The following SHANK2 variants were observed in gnomAD, a reference collection of about 807,000 sequenced individuals.
The protein encoded by SHANK2 is SH3 and multiple ankyrin repeat domains protein 2.
A neutral mutation model predicts 133.7 loss-of-function variants in SHANK2; 43 were observed. That is an observed-to-expected ratio of 0.32 (90% CI 0.25 to 0.41). SHANK2 has a LOEUF of 0.41. SHANK2 is among the 10% of genes least tolerant of loss of function. The pLI is 1.00. For synonymous variants in SHANK2, 1,017 were observed against 952.8 expected (o/e 1.07, Z -1.24); for missense variants, 1,994 against 2,235.8 (o/e 0.89, Z 2.18).
rs1462637181 is a variant in SHANK2 at position 70,798,423 on chromosome 11, G to A, written c.1777+20C>T. 1 of 717,202 alleles carries A rather than the reference G, an allele frequency of 1.4e-6. No individual in the cohort carries two copies. Among genetic ancestry groups the A allele is most frequent in the Non-Finnish European group, 2.6e-6 (1 of 385,006 alleles). 44.4% of individuals were successfully genotyped at this position (717,202 alleles called of 1,614,324 possible). On this transcript the variant is annotated intron_variant, in intron 14 of 25. Coordinates refer to ENST00000601538, the MANE Select transcript of SHANK2 (RefSeq NM_012309.5). ...AGGCCTGCAGGATCGAGGGTGGGCGGCCACGAGCGCTCGCCTTACCTGCCT... is the reference window on the plus strand; with the variant it reads ...AGGCCTGCAGGATCGAGGGTGGGCGACCACGAGCGCTCGCCTTACCTGCCT...
intron 17 of SHANK2, among the ~76,000 whole-genome samples, chr11:70,538,057 A>C (rs2059567725): frequency 6.6e-6 from 1 of 152,222 alleles, no homozygotes; most frequent in South Asian, 2.1e-4. Context: ...ACTCGTGACC[A>C]TCCTGGGCCC....
chr11:71,107,734 C>T (rs1951822418), intron 6 of SHANK2, among the ~76,000 whole-genome samples: 1 of 152,216 alleles, frequency 6.6e-6, no homozygotes, highest in Non-Finnish European at 1.5e-5. Context: ...AGAGTCTGCA[C>T]TGATGTGTTT....
At chr11:70,633,991 C>T (rs1489212026) in intron 17 of SHANK2, 1 of 152,188 alleles carries the variant, frequency 6.6e-6, no homozygotes, top group African/African-American at 2.4e-5. Context: ...CTACCCTGTC[C>T]CTCTAACAAC....
chr11:70,846,799 C>T (rs1430982865), intron 11 of SHANK2, among the ~76,000 whole-genome samples: 2 of 152,226 alleles, frequency 1.3e-5, no homozygotes, highest in Admixed American at 6.5e-5. Context: ...CTCTCCCTCC[C>T]ACCCTTCTCT....
chr11:70,826,623 G>A, intron 11 of SHANK2: 1 of 453,350 alleles, frequency 2.2e-6, no homozygotes. Context: ...AGAGGTGGCG[G>A]GTGTCTGGGC....
chr11:71,172,597 CA>C (rs10623588), intron 2 of SHANK2, among the ~76,000 whole-genome samples: 144 of 107,260 alleles, frequency 1.3e-3, no homozygotes, highest in Admixed American at 5.5e-3. Flanking sequence ...GACTCTGTCT[CA>C]AAAAAAAAAA....
chr11:70,502,741 ACCCCCCCCC>A, intron 18 of SHANK2, 46 bp downstream of exon 18: 1 of 381,830 alleles, frequency 2.6e-6, no homozygotes, highest in Non-Finnish European at 4.5e-6. Flanking sequence ...GCCCGCCCCC[ACCCCCCCCC>A]CCCAGTAGGG....
intron 14 of SHANK2, among the ~76,000 whole-genome samples, chr11:70,761,707 G>A (rs542446484): frequency 1.2e-3 from 178 of 152,362 alleles, no homozygotes; most frequent in Non-Finnish European, 2.2e-4. Flanking sequence ...GGGGGCCTGG[G>A]AGCCTGCATT....
rs538030907 is a variant in SHANK2 at position 71,152,453 on chromosome 11, A to G, written c.-12-5115T>C. ...TTTAACGGATTACTTTGCAGGCCACATAGTACACATCTACAGCTGGACCTG... is the reference window on the plus strand; with the variant it reads ...TTTAACGGATTACTTTGCAGGCCACGTAGTACACATCTACAGCTGGACCTG... On this transcript the variant is annotated intron_variant, in intron 2 of 25. Coordinates refer to ENST00000601538, the MANE Select transcript of SHANK2 (RefSeq NM_012309.5). 7.2e-5 allele frequency among the ~76,000 whole-genome samples: 11 copies of G among 152,312 alleles called. No homozygotes were observed. The South Asian group carries it at 2.3e-3, about 32-fold the overall frequency.
chr11:70,768,294 T>A (rs895633731), intron 14 of SHANK2, among the ~76,000 whole-genome samples: 2 of 152,104 alleles, frequency 1.3e-5, no homozygotes, highest in Admixed American at 1.3e-4. Context: ...GACAGTGAAG[T>A]AGTGATGGAG....
At chr11:71,137,655 C>A (rs1244120164) in intron 3 of SHANK2, among the ~76,000 whole-genome samples, 1 of 152,152 alleles carries the variant, frequency 6.6e-6, no homozygotes, top group African/African-American at 2.4e-5. Flanking sequence ...CTGGAAGGCC[C>A]AGGTGTTGAA....
chr11:71,165,828 A>C (rs1173720875), intron 2 of SHANK2, among the ~76,000 whole-genome samples: 1 of 152,076 alleles, frequency 6.6e-6, no homozygotes, highest in Non-Finnish European at 1.5e-5. Context: ...TCCCTCCTGG[A>C]ACGCTTCCCG....
rs1555049499 is a variant in SHANK2, at chr11:70,797,832, T to TACACACACACATACAC, written c.1777+610_1777+611insGTGTATGTGTGTGTGT. Among the ~76,000 whole-genome samples, 17 of 142,040 alleles carry TACACACACACATACAC rather than the reference T, an allele frequency of 1.2e-4. No individual in the cohort carries two copies. The East Asian group carries it at 3.4e-3, about 28-fold the overall frequency. The allele number at this position is 142,040 out of a possible 152,430, so 93.2% of individuals were successfully genotyped here. A position where few individuals can be genotyped will look rare whatever the true frequency, so the allele number is the denominator to read the frequency against. On this transcript the variant is annotated intron_variant, in intron 14 of 25. Coordinates refer to ENST00000601538, the MANE Select transcript of SHANK2 (RefSeq NM_012309.5). ...AGGCTTCACTTTTCCTCCACTCTCA[T>TACACACACACATACAC]ACACACACACACACACACACACACA...
chr11:70,784,348 T>TC (rs1334659924), intron 14 of SHANK2, among the ~76,000 whole-genome samples: 1 of 119,316 alleles, frequency 8.4e-6, no homozygotes, highest in Non-Finnish European at 1.7e-5. Context: ...GGCTAGTTTT[T>TC]TTTTTTTTTT....
intron 17 of SHANK2, among the ~76,000 whole-genome samples, chr11:70,587,349 G>A (rs559328832): frequency 4.3e-4 from 66 of 152,340 alleles, no homozygotes; most frequent in African/African-American, 1.6e-3. Context: ...ATGGGGCAGA[G>A]GGGAGAAGCG....
intron 17 of SHANK2, among the ~76,000 whole-genome samples, chr11:70,574,966 C>A (rs2060097026): frequency 6.6e-6 from 1 of 152,186 alleles, no homozygotes; most frequent in African/African-American, 2.4e-5. Flanking sequence ...TGAGTCCCAT[C>A]TGTCCTTCAG....
chr11:70,793,629 G>A (rs1444693257), intron 14 of SHANK2, among the ~76,000 whole-genome samples: 1 of 152,128 alleles, frequency 6.6e-6, no homozygotes, highest in Non-Finnish European at 1.5e-5. Flanking sequence ...CCCACAATAA[G>A]ATATCATTTC....
At chr11:70,875,533 C>CAAA (rs1949546044) in intron 11 of SHANK2, among the ~76,000 whole-genome samples, 1 of 150,918 alleles carries the variant, frequency 6.6e-6, no homozygotes, top group African/African-American at 2.4e-5. Flanking sequence ...CAAACAACAA[C>CAAA]AACAACAACA....
intron 12 of SHANK2, among the ~76,000 whole-genome samples, chr11:70,812,320 C>A (rs547722120): frequency 5.9e-5 from 9 of 152,346 alleles, no homozygotes; most frequent in African/African-American, 2.2e-4. Context: ...CGGTTGCAGG[C>A]AGTGATTACC....
Sources: allele counts gnomAD v4.1 joint callset (sites outside exome capture counted in the v4.1 genomes callset), GRCh38; gene constraint gnomAD v4.1.1; transcripts MANE v1.5; gene names NCBI Gene and HGNC (gene_info 2026-07-23, HGNC 2026-07-21).